The following UTRN variants were observed in gnomAD, a reference collection of about 807,000 sequenced individuals.
UTRN encodes the protein dystrophin-related protein 1.
Under a neutral mutation model 463.9 loss-of-function variants are expected in UTRN, and 283 were observed. The ratio of observed to expected loss-of-function variants is 0.61; its 90% CI spans 0.55 to 0.67. The LOEUF is 0.67. UTRN is among the 30% of genes least tolerant of loss of function. The probability of loss-of-function intolerance (pLI) is 0.00; values close to 1 mark genes in which losing one functional copy is unlikely to be tolerated. For synonymous variants in UTRN, 1,442 were observed against 1,431.5 expected (o/e 1.01, Z -0.17); for missense variants, 3,922 against 4,084.3 (o/e 0.96, Z 1.08).
intron 2 of UTRN, among the ~76,000 whole-genome samples, chr6:144,298,613 G>A (rs1804960149): frequency 6.6e-6 from 1 of 152,214 alleles, no homozygotes; most frequent in Non-Finnish European, 1.5e-5. Context: ...TTTCATAGCA[G>A]TGGAGCTCAA....
chr6:144,634,017 A>G (rs144278276), intron 51 of UTRN, among the ~76,000 whole-genome samples: 6 of 152,338 alleles, frequency 3.9e-5, no homozygotes, highest in Non-Finnish European at 8.8e-5. Context: ...AAAAAGCCCA[A>G]CCTGGCAGTC....
intron 45 of UTRN, among the ~76,000 whole-genome samples, chr6:144,542,343 A>G (rs1304482619): frequency 6.6e-6 from 1 of 152,144 alleles, no homozygotes; most frequent in South Asian, 2.1e-4. Context: ...ACTCCATTTG[A>G]TTCCTGAAAT....
At position 144,577,298 on chromosome 6, in the gene UTRN, T is replaced by A. The variant is rs1462778304; in HGVS notation, c.7479+10T>A. 1 of 1,612,956 alleles carries A rather than the reference T, an allele frequency of 6.2e-7. No homozygotes were observed. Among genetic ancestry groups the A allele is most frequent in the East Asian group, 2.2e-5 (1 of 44,830 alleles). ...CAAACAGCAGATGCAGGTAAGTGCA[T>A]GGGAAACCACACCAGTACCTGTGTT... On this transcript the variant is annotated intron_variant, in intron 51 of 74. Coordinates refer to ENST00000367545, the MANE Select transcript of UTRN (RefSeq NM_007124.3).
chr6:144,537,748 T>C (rs2128605003), intron 44 of UTRN, 31 bp downstream of exon 44: 2 of 1,601,870 alleles, frequency 1.2e-6, no homozygotes, highest in East Asian at 4.6e-5. Flanking sequence ...TATATGCCTT[T>C]TGGTGCCCGA....
In UTRN at chr6:144,731,556, A is replaced by G. The variant is rs1427360324; in HGVS notation, c.7939+1070A>G. On this transcript the variant is annotated intron_variant, in intron 54 of 74. Coordinates refer to ENST00000367545, the MANE Select transcript of UTRN (RefSeq NM_007124.3). ...TTGACTATAACTGGAACTGGATCAGACATATGGACAGGTAGCCGTTTTCCT... is the reference window on the plus strand; with the variant it reads ...TTGACTATAACTGGAACTGGATCAGGCATATGGACAGGTAGCCGTTTTCCT... 2.0e-5 allele frequency among the ~76,000 whole-genome samples: 3 copies of G among 152,250 alleles called. No homozygotes were observed. The East Asian group carries it at 5.8e-4, about 29-fold the overall frequency.
At chr6:144,820,392 T>C (rs79289911) in intron 65 of UTRN, among the ~76,000 whole-genome samples, 2 of 152,310 alleles carry the variant, frequency 1.3e-5, no homozygotes, top group South Asian at 4.1e-4. Context: ...TTTATTGTCT[T>C]ACCTTTTTCC....
Position 144,487,556 on chromosome 6 carries a change from A to C in UTRN, c.3831A>C (p.Glu1277Asp), listed in dbSNP as rs1167957172. Residue 1277 changes from glutamate to aspartate, a missense_variant, in exon 29 of 75, where the codon GAA (glutamate) becomes GAC (aspartate). Physicochemically the swap from Glu to Asp is conservative, Grantham distance 45 (BLOSUM62 2). Around this residue, in one of 3 missense-constraint regions of UTRN, gnomAD observed 2,349 missense variants for 2,303.8 expected, o/e 1.02. Coordinates refer to ENST00000367545, the MANE Select transcript of UTRN (RefSeq NM_007124.3). ...DAVNEALESL[E>D]SVLRHPADNR... ...TCCCATCTCCATTCCAGTCTCTGGA[A>C]TCTGTTCTGCGCCACCCGGCAGATA... 1 of 1,600,792 alleles carries C rather than the reference A, an allele frequency of 6.2e-7. No individual in the cohort carries two copies. Among genetic ancestry groups the C allele is most frequent in the East Asian group, 2.3e-5 (1 of 44,256 alleles).
At chr6:144,293,737 A>G (rs530207008) in intron 2 of UTRN, among the ~76,000 whole-genome samples, 2 of 152,268 alleles carry the variant, frequency 1.3e-5, no homozygotes, top group South Asian at 4.1e-4. Flanking sequence ...TTATGGTCAA[A>G]TAGCTTTAGG....
At chr6:144,378,948 G>A (rs1490308965) in intron 2 of UTRN, among the ~76,000 whole-genome samples, 1 of 152,222 alleles carries the variant, frequency 6.6e-6, no homozygotes, top group East Asian at 1.9e-4. Flanking sequence ...TGTGGTATTA[G>A]AAGAAAGGAT....
chr6:144,525,046 T>C (rs1380913837), intron 41 of UTRN, among the ~76,000 whole-genome samples: 1 of 152,186 alleles, frequency 6.6e-6, no homozygotes, highest in Non-Finnish European at 1.5e-5. Context: ...TGAAACCCAC[T>C]TGATCATGGT....
At chr6:144,649,133 T>C (rs1251071022) in intron 51 of UTRN, among the ~76,000 whole-genome samples, 1 of 151,984 alleles carries the variant, frequency 6.6e-6, no homozygotes, top group East Asian at 1.9e-4. Flanking sequence ...AAGGTGGAAA[T>C]TGAATTGGTC....
At chr6:144,790,427 T>G (rs1432211952) in intron 62 of UTRN, among the ~76,000 whole-genome samples, 1 of 152,196 alleles carries the variant, frequency 6.6e-6, no homozygotes, top group African/African-American at 2.4e-5. Context: ...TTTAAAAGCT[T>G]TTATTTTCTG....
chr6:144,347,385 T>C (rs891516602), intron 2 of UTRN, among the ~76,000 whole-genome samples: 1 of 152,116 alleles, frequency 6.6e-6, no homozygotes, highest in African/African-American at 2.4e-5. Context: ...GAAAGCTCCA[T>C]GGGAGGGAGT....
At chr6:144,721,250 C>T (rs1016827469) in intron 53 of UTRN, among the ~76,000 whole-genome samples, 5 of 152,176 alleles carry the variant, frequency 3.3e-5, no homozygotes, top group African/African-American at 4.8e-5. Flanking sequence ...CTTGCTCCGT[C>T]GCCTAGGCTG....
intron 51 of UTRN, among the ~76,000 whole-genome samples, chr6:144,643,081 A>G (rs1400483816): frequency 6.6e-6 from 1 of 152,162 alleles, no homozygotes; most frequent in African/African-American, 2.4e-5. Flanking sequence ...TTATAGTAGT[A>G]TCTACTATTT....
At position 144,774,260 on chromosome 6, in the gene UTRN, A is replaced by G. The variant is rs531228612; in HGVS notation, c.8558-30A>G. ...TCAATATATATTCAATAATAAGCCT[A>G]TCTTCAAATTGTTTCTTTTTCTATT... On this transcript the variant is annotated intron_variant, in intron 59 of 74. Transcript: ENST00000367545. 12 of 1,577,832 alleles carry G rather than the reference A, an allele frequency of 7.6e-6. No homozygotes were observed. The Admixed American group carries it at 1.3e-4, about 17-fold the overall frequency.
At chr6:144,772,553 G>A (rs1381746758) in intron 59 of UTRN, among the ~76,000 whole-genome samples, 2 of 152,108 alleles carry the variant, frequency 1.3e-5, no homozygotes. Context: ...CCTTCGTATT[G>A]AGTCATCTTA....
Position 144,477,414 on chromosome 6 carries a change from A to G in UTRN, c.3337-2398A>G, listed in dbSNP as rs1301661136. 2.0e-5 allele frequency among the ~76,000 whole-genome samples: 3 copies of G among 152,156 alleles called. No individual in the cohort carries two copies. In the East Asian group the frequency reaches 5.8e-4, roughly 29 times the overall value. On this transcript the variant is annotated intron_variant, in intron 25 of 74. Transcript: ENST00000367545. The stretch of plus-strand genomic sequence containing the variant: ...TTGTTTTACCCAACTTATTTTGAAC[A>G]TGTTCAAATGTAAAGAAAAGTTAAA...
chr6:144,304,484 A>G (rs1805540408), intron 2 of UTRN, among the ~76,000 whole-genome samples: 1 of 152,202 alleles, frequency 6.6e-6, no homozygotes, highest in South Asian at 2.1e-4. Context: ...AGGCAGTTAC[A>G]CAGTTGTAAA....
Sources: allele counts gnomAD v4.1 joint callset (sites outside exome capture counted in the v4.1 genomes callset), GRCh38; gene constraint gnomAD v4.1.1; regional missense constraint gnomAD v4.1.1; transcripts MANE v1.5; gene names NCBI Gene and HGNC (gene_info 2026-07-23, HGNC 2026-07-21).